Variants in RARB observed in about 807,000 individuals in gnomAD.
The protein encoded by RARB is HBV-activated protein.
RARB carries 17 observed loss-of-function variants against 51.9 expected under a neutral mutation model. That is an observed-to-expected ratio of 0.33 (90% CI 0.22 to 0.49). The LOEUF (loss-of-function observed/expected upper bound fraction) is 0.49, where lower values mean the gene tolerates loss of function less well. Among genes scored for constraint, RARB ranks in the 20% least tolerant of loss-of-function variants. The pLI is 0.99. For synonymous variants in RARB, 215 were observed against 195.4 expected, an observed-to-expected ratio of 1.10 and a Z score of -0.84; for missense variants, 369 against 550.8, an observed-to-expected ratio of 0.67 and a Z score of 3.30.
chr3:25,588,514 T>C (rs991868407), intron 5 of RARB, among the ~76,000 whole-genome samples: 7 of 152,170 alleles, frequency 4.6e-5, no homozygotes, highest in Admixed American at 3.9e-4. Context: ...TCATTATCTA[T>C]TGCAGTGTAA....
chr3:25,418,201 G>A (rs1181933797), intron 5 of RARB, among the ~76,000 whole-genome samples: 1 of 152,196 alleles, frequency 6.6e-6, no homozygotes, highest in Non-Finnish European at 1.5e-5. Flanking sequence ...GAAACCTATT[G>A]TAGGGGAAAT....
At chr3:25,519,111 G>T (rs774748164) in intron 3 of RARB, among the ~76,000 whole-genome samples, 5 of 152,086 alleles carry the variant, frequency 3.3e-5, no homozygotes, top group African/African-American at 4.8e-5. Flanking sequence ...TGCATATATT[G>T]GTTGTTTGCT....
intron 5 of RARB, among the ~76,000 whole-genome samples, chr3:25,189,133 T>C (rs1034202990): frequency 1.3e-5 from 2 of 152,112 alleles, no homozygotes; most frequent in African/African-American, 4.8e-5. Flanking sequence ...ATAAATATGA[T>C]TCTTTATGTG....
chr3:25,123,171 A>G (rs1699811005), intron 3 of RARB, among the ~76,000 whole-genome samples: 1 of 152,110 alleles, frequency 6.6e-6, no homozygotes, highest in Non-Finnish European at 1.5e-5. Context: ...GTTATTTGCT[A>G]TGGCTTCTGG....
chr3:25,571,946 T>C (rs561939550), intron 4 of RARB, among the ~76,000 whole-genome samples: 76 of 152,280 alleles, frequency 5.0e-4, no homozygotes, highest in Middle Eastern at 3.4e-3. Flanking sequence ...CATCTGACAA[T>C]ACAGAAAAGT....
chr3:25,505,928 G>C (rs1697563470), intron 3 of RARB, among the ~76,000 whole-genome samples: 1 of 152,160 alleles, frequency 6.6e-6, no homozygotes, highest in South Asian at 2.1e-4. Flanking sequence ...TTACGGTATA[G>C]ATAATAGCTA....
intron 5 of RARB, among the ~76,000 whole-genome samples, chr3:25,268,221 C>CT (rs963427357): frequency 4.6e-5 from 7 of 152,050 alleles, no homozygotes; most frequent in African/African-American, 1.4e-4. Context: ...ACCACTGATA[C>CT]TTTTTTTCTT....
intron 2 of RARB, among the ~76,000 whole-genome samples, chr3:24,870,835 G>A (rs1702933498): frequency 1.3e-5 from 2 of 152,180 alleles, no homozygotes; most frequent in South Asian, 2.1e-4. Flanking sequence ...TCACATTGGG[G>A]TAATTGGGAG....
chr3:25,230,075 C>T (rs761033068), intron 5 of RARB, among the ~76,000 whole-genome samples: 3 of 152,102 alleles, frequency 2.0e-5, no homozygotes, highest in Non-Finnish European at 4.4e-5. Flanking sequence ...TATGCTTATA[C>T]TGAAGTTTTA....
intron 3 of RARB, among the ~76,000 whole-genome samples, chr3:25,511,398 T>A (rs967754618): frequency 5.3e-5 from 8 of 152,222 alleles, no homozygotes; most frequent in Admixed American, 5.2e-4. Context: ...CCCAAAGTGC[T>A]GGGATTACAA....
At chr3:25,158,057 A>T (rs1413850949) in intron 4 of RARB, among the ~76,000 whole-genome samples, 1 of 152,262 alleles carries the variant, frequency 6.6e-6, no homozygotes, top group African/African-American at 2.4e-5. Flanking sequence ...TGATATTTGC[A>T]CCAATGAAGT....
intron 5 of RARB, among the ~76,000 whole-genome samples, chr3:25,392,720 A>C (rs1394664373): frequency 1.3e-5 from 2 of 152,032 alleles, no homozygotes; most frequent in Non-Finnish European, 2.9e-5. Flanking sequence ...AGTGCTACTG[A>C]TTTGTGTACA....
intron 2 of RARB, among the ~76,000 whole-genome samples, chr3:24,981,657 C>T (rs1448076161): frequency 1.3e-5 from 2 of 152,116 alleles, no homozygotes; most frequent in African/African-American, 4.8e-5. Flanking sequence ...AGTATTTGGG[C>T]AGGAGTGCAT....
intron 2 of RARB, among the ~76,000 whole-genome samples, chr3:24,912,906 G>A (rs766517781): frequency 2.7e-5 from 4 of 150,224 alleles, no homozygotes; most frequent in Non-Finnish European, 4.4e-5. Context: ...TCCCATACAG[G>A]TATGTTGTCT....
At chr3:25,033,865 G>T (rs1226193901) in intron 2 of RARB, among the ~76,000 whole-genome samples, 1 of 152,136 alleles carries the variant, frequency 6.6e-6, no homozygotes, top group Non-Finnish European at 1.5e-5. Flanking sequence ...ACCGACAAAC[G>T]TATATTCAAG....
intron 1 of RARB, among the ~76,000 whole-genome samples, chr3:24,845,898 C>A (rs548648211): frequency 6.6e-6 from 1 of 152,304 alleles, no homozygotes; most frequent in Non-Finnish European, 1.5e-5. Context: ...ATTACCATCC[C>A]TTTGATCACT....
At chr3:25,071,694 A>C (rs1698770062) in intron 3 of RARB, among the ~76,000 whole-genome samples, 1 of 152,206 alleles carries the variant, frequency 6.6e-6, no homozygotes, top group Admixed American at 6.5e-5. Context: ...TTAAAAAGGT[A>C]AAAGATTCAA....
At chr3:25,534,074 A>G (rs537464079) in intron 3 of RARB, among the ~76,000 whole-genome samples, 9 of 152,348 alleles carry the variant, frequency 5.9e-5, no homozygotes, top group East Asian at 3.9e-4. Flanking sequence ...TATTTGGCTC[A>G]ATGCAGCTCC....
chr3:24,933,239 G>A (rs920889571), intron 2 of RARB, among the ~76,000 whole-genome samples: 2 of 151,556 alleles, frequency 1.3e-5, no homozygotes, highest in Admixed American at 6.6e-5. Flanking sequence ...GAGAATCATT[G>A]GTTTTCGATT....
Sources: allele counts gnomAD v4.1 joint callset (sites outside exome capture counted in the v4.1 genomes callset), GRCh38; gene constraint gnomAD v4.1.1; transcripts MANE v1.5; gene names NCBI Gene and HGNC (gene_info 2026-07-23, HGNC 2026-07-21).